The following IRAK1BP1 variants were observed in gnomAD, a reference collection of about 807,000 sequenced individuals.
IRAK1BP1 encodes the protein interleukin-1 receptor-associated kinase 1-binding protein 1.
IRAK1BP1 carries 24 observed loss-of-function variants against 28.0 expected under a neutral mutation model. That is an observed-to-expected ratio of 0.86 (90% CI 0.62 to 1.20). The LOEUF (loss-of-function observed/expected upper bound fraction) is 1.20. Ranked by LOEUF, IRAK1BP1 falls within the 50% of genes most tolerant of loss-of-function variation. The pLI, the probability that IRAK1BP1 is intolerant of heterozygous loss-of-function variation, is 0.00. For missense variants in IRAK1BP1, 336 were observed against 316.7 expected (o/e 1.06, Z -0.46); for synonymous variants, 131 against 116.3 (o/e 1.13, Z -0.81).
At chr6:78,908,360 A>AT (rs1562093753) in intron 4 of IRAK1BP1, among the ~76,000 whole-genome samples, 1 of 150,362 alleles carries the variant, frequency 6.7e-6, no homozygotes, top group African/African-American at 2.5e-5. Context: ...ATTATTTTTT[A>AT]TTTTTTTAGA....
chr6:78,896,432 A>G (rs1260850115), intron 2 of IRAK1BP1, among the ~76,000 whole-genome samples: 2 of 152,168 alleles, frequency 1.3e-5, no homozygotes, highest in Non-Finnish European at 2.9e-5. Context: ...TGAATTGCAA[A>G]TACATTATGC....
intron 4 of IRAK1BP1, chr6:78,935,829 T>G: frequency 1.3e-6 from 1 of 756,294 alleles, no homozygotes; most frequent in Non-Finnish European, 1.6e-6. Context: ...GCCAAAAAAC[T>G]TTAAAAAGCA....
chr6:78,881,293 A>G (rs1381265736), intron 1 of IRAK1BP1, among the ~76,000 whole-genome samples: 6 of 152,196 alleles, frequency 3.9e-5, no homozygotes, highest in South Asian at 2.1e-4. Context: ...TTATGATTCT[A>G]TTCATATGAT....
At chr6:78,978,222 T>TA in the IRAK1BP1 span, among the ~76,000 whole-genome samples, 1 of 152,078 alleles carries the variant, frequency 6.6e-6, no homozygotes, top group Non-Finnish European at 1.5e-5. Context: ...GAAATAAAAT[T>TA]AAATGAAAAC....
the IRAK1BP1 span, among the ~76,000 whole-genome samples, chr6:78,971,257 T>C: frequency 2.3e-3 from 356 of 152,330 alleles, no homozygotes; most frequent in Non-Finnish European, 3.7e-3. Flanking sequence ...GCAGAAAACA[T>C]TGAAATGAAA....
At chr6:78,973,819 G>A in the IRAK1BP1 span, among the ~76,000 whole-genome samples, 4 of 151,774 alleles carry the variant, frequency 2.6e-5, no homozygotes, top group African/African-American at 9.7e-5. Context: ...TCAACAAGAA[G>A]AGCTAACTAT....
intron 4 of IRAK1BP1, chr6:78,938,733 T>G (rs1287879852): frequency 6.6e-6 from 1 of 151,684 alleles, no homozygotes; most frequent in East Asian, 1.9e-4. Context: ...AAATTTGAAA[T>G]TATTTTTCAA....
In IRAK1BP1 at chr6:78,871,442, C is replaced by T. The variant is rs1444449820; in HGVS notation, c.315+3551C>T. 4 of 985,326 alleles carry T rather than the reference C, an allele frequency of 4.1e-6. No homozygotes were observed. The African/African-American group carries it at 5.2e-5, about 13-fold the overall frequency. The allele number at this position is 985,326 out of a possible 1,614,324, so 61.0% of individuals were successfully genotyped here. A position where few individuals can be genotyped will look rare whatever the true frequency, so the allele number is the denominator to read the frequency against. ...AGACAGACACCTTTTCTCCTTTTTG[C>T]TTCACAACAGACCACCTCAGCCACC... On this transcript the variant is annotated intron_variant, in intron 1 of 3. Transcript: ENST00000369940.
At chr6:78,897,256 T>TAAAAA (rs749859007) in intron 2 of IRAK1BP1, among the ~76,000 whole-genome samples, 2 of 110,976 alleles carry the variant, frequency 1.8e-5, no homozygotes, top group African/African-American at 3.5e-5. Flanking sequence ...TTGTCTCTCT[T>TAAAAA]AAAAAAAAAA....
exon 5 of IRAK1BP1, chr6:78,946,216 T>A: frequency 6.2e-7 from 1 of 1,613,672 alleles, no homozygotes; most frequent in Non-Finnish European, 8.5e-7. Context: ...GGTAGAGCTT[T>A]CTGATTTTAG....
In IRAK1BP1 at chr6:78,902,366, C is replaced by G. The variant is rs1772131163; in HGVS notation, c.*4032C>G. 6.5e-6 allele frequency: 1 copy of G among 153,148 alleles called. No homozygotes were observed. Among genetic ancestry groups the G allele is most frequent in the Non-Finnish European group, 1.5e-5 (1 of 68,860 alleles). 9.5% of individuals were successfully genotyped at this position (153,148 alleles called of 1,614,324 possible). On this transcript the variant is annotated 3_prime_UTR_variant, in exon 4 of 4. Coordinates refer to ENST00000369940, the MANE Select transcript of IRAK1BP1 (RefSeq NM_001010844.4). ...GCCCAGGCTGGTCTCAAACTCCTGG[C>G]TTCAAGCAGTCCTGCCTCAGCTTCC...
chr6:78,965,471 G>T, the IRAK1BP1 span, among the ~76,000 whole-genome samples: 2 of 152,156 alleles, frequency 1.3e-5, no homozygotes, highest in Non-Finnish European at 2.9e-5. Flanking sequence ...ACAATTTCAT[G>T]TTTTGCTGTA....
At chr6:78,922,372 G>GA (rs1485694530) in intron 4 of IRAK1BP1, among the ~76,000 whole-genome samples, 4 of 152,026 alleles carry the variant, frequency 2.6e-5, no homozygotes, top group Non-Finnish European at 5.9e-5. Context: ...GAAGTTTAGA[G>GA]AAAAAAGAGT....
chr6:78,938,607 A>C (rs905369874), intron 4 of IRAK1BP1: 1 of 151,696 alleles, frequency 6.6e-6, no homozygotes, highest in Non-Finnish European at 1.5e-5. Context: ...TGAAAGACTC[A>C]TTTTTCTATA....
intron 4 of IRAK1BP1, among the ~76,000 whole-genome samples, chr6:78,943,454 T>C (rs1230197712): frequency 6.6e-6 from 1 of 152,194 alleles, no homozygotes; most frequent in African/African-American, 2.4e-5. Context: ...AAGGCCAATA[T>C]ACTATTCAAA....
Position 78,869,789 on chromosome 6 carries a change from TC to T in IRAK1BP1, c.315+1899del, listed in dbSNP as rs758639313. Among the ~76,000 whole-genome samples the T allele has an allele frequency of 8.4e-4, 128 of 152,212 alleles. 1 individual carries two copies. Among genetic ancestry groups the T allele is most frequent in the Non-Finnish European group, 1.4e-3 (92 of 68,008 alleles). Reference sequence around the variant, plus strand: ...ATCACTTCCCTGCTTAAAGGGCTCCTCATAATCCAAACTCCTTTGCTTAAAA... The same window carrying T: ...ATCACTTCCCTGCTTAAAGGGCTCCTATAATCCAAACTCCTTTGCTTAAAA... On this transcript the variant is annotated intron_variant, in intron 1 of 3. Coordinates refer to ENST00000369940, the MANE Select transcript of IRAK1BP1 (RefSeq NM_001010844.4).
At chr6:78,970,069 A>T in the IRAK1BP1 span, 1 of 1,613,606 alleles carries the variant, frequency 6.2e-7, no homozygotes, top group Non-Finnish European at 8.5e-7. Flanking sequence ...ATGATCCGCC[A>T]GTCAGTTTAC....
At chr6:78,874,086 C>A (rs532204998) in intron 1 of IRAK1BP1, among the ~76,000 whole-genome samples, 1 of 152,302 alleles carries the variant, frequency 6.6e-6, no homozygotes, top group Non-Finnish European at 1.5e-5. Flanking sequence ...GCAACATTCC[C>A]AAGCCTTACA....
Position 78,897,831 on chromosome 6 carries a change from C to T in IRAK1BP1, c.384C>T (p.Val128=). Residue 128 remains valine (V), a splice_region_variant and synonymous_variant, in exon 3 of 4, where the codon GTC becomes GTT. Coordinates refer to ENST00000369940, the MANE Select transcript of IRAK1BP1 (RefSeq NM_001010844.4). Reference sequence around the variant, plus strand: ...ATATCGTGTCATTTCATTTACAGGTCTGCATTACATTTACTGAATTTGGAA... The same window carrying T: ...ATATCGTGTCATTTCATTTACAGGTTTGCATTACATTTACTGAATTTGGAA... ...VENAYHMEAE[V]CITFTEFGKM... 1 of 1,610,920 alleles carries T rather than the reference C, an allele frequency of 6.2e-7. No homozygotes were observed. The highest frequency in any genetic ancestry group is 8.5e-7 in the Non-Finnish European group (1 of 1,178,140).
Sources: gnomAD v4.1 joint callset for allele counts (sites outside exome capture counted in the v4.1 genomes callset) on GRCh38, gnomAD v4.1.1 for gene constraint, MANE v1.5 for transcripts, NCBI Gene and HGNC (gene_info 2026-07-23, HGNC 2026-07-21) for gene names.